Variants in CNIH2 observed in about 807,000 individuals in gnomAD.
The protein encoded by CNIH2 is cornichon family AMPA receptor auxiliary protein 2, also known as protein cornichon homolog 2.
Under a neutral mutation model 22.9 loss-of-function variants are expected in CNIH2, and 8 were observed. The ratio of observed to expected loss-of-function variants is 0.35; its 90% CI spans 0.20 to 0.63. The LOEUF is 0.63. Among genes scored for constraint, CNIH2 ranks in the 30% least tolerant of loss-of-function variants. The pLI is 0.72. For synonymous variants in CNIH2, 74 were observed against 78.2 expected, an observed-to-expected ratio of 0.95 and a Z score of 0.28; for missense variants, 105 against 206.2, an observed-to-expected ratio of 0.51 and a Z score of 3.01.
At chr11:66,280,063 C>T (rs1857237131) in intron 1 of CNIH2, among the ~76,000 whole-genome samples, 1 of 152,182 alleles carries the variant, frequency 6.6e-6, no homozygotes, top group South Asian at 2.1e-4. Context: ...CTTTTTGGGG[C>T]CTTCCCCACC....
At chr11:66,278,921 C>T (rs552915564) in intron 1 of CNIH2, among the ~76,000 whole-genome samples, 2 of 99,922 alleles carry the variant, frequency 2.0e-5, no homozygotes, top group Non-Finnish European at 2.3e-5. Context: ...TGCTGCCCCC[C>T]CCCCCCCGCC....
At chr11:66,282,429 G>GGGGGGGGGGGGGCC in intron 2 of CNIH2, 102 bp downstream of exon 2, 5 of 479,402 alleles carry the variant, frequency 1.0e-5, no homozygotes, top group African/African-American at 2.0e-5. Flanking sequence ...GGGGTGGGGG[G>GGGGGGGGGGGGGCC]CCTACGGCCA....
chr11:66,280,315 C>G (rs1213061532), intron 1 of CNIH2, among the ~76,000 whole-genome samples: 1 of 152,356 alleles, frequency 6.6e-6, no homozygotes, highest in Middle Eastern at 3.4e-3. Flanking sequence ...GTGAGGTACT[C>G]TGTCCACTCA....
rs1465211866 is a variant in CNIH2, at chr11:66,283,030, C to T, written c.199-5C>T. On this transcript the variant is annotated splice_region_variant and splice_polypyrimidine_tract_variant and intron_variant, in intron 3 of 5. Coordinates refer to ENST00000311445, the MANE Select transcript of CNIH2 (RefSeq NM_182553.3). ...GCCGCTGACCTCTCACCCTCACTCC[C>T]CCAGCTGGTGGTCCCAGAATACTCC... 1.2e-6 allele frequency: 2 copies of T among 1,612,400 alleles called. No individual in the cohort carries two copies. The highest frequency in any genetic ancestry group is 2.2e-5 in the East Asian group (1 of 44,884).
intron 1 of CNIH2, among the ~76,000 whole-genome samples, chr11:66,280,315 C>T (rs1213061532): frequency 6.6e-6 from 1 of 152,238 alleles, no homozygotes; most frequent in African/African-American, 2.4e-5. Flanking sequence ...GTGAGGTACT[C>T]TGTCCACTCA....
chr11:66,282,380 CTG>C, intron 2 of CNIH2, 53 bp downstream of exon 2: 3 of 1,048,944 alleles, frequency 2.9e-6, no homozygotes, highest in Non-Finnish European at 4.0e-6. Flanking sequence ...GTCTTTCCAT[CTG>C]TCGTGGGCTG....
intron 1 of CNIH2, among the ~76,000 whole-genome samples, chr11:66,279,277 C>T (rs886303897): frequency 2.0e-4 from 31 of 152,038 alleles, no homozygotes; most frequent in Non-Finnish European, 4.4e-4. Flanking sequence ...AATGTCCATT[C>T]CTCATCCTGC....
In CNIH2 at chr11:66,282,486, G is replaced by T. The variant is rs527616174; in HGVS notation, c.150+159G>T. ...CGCCCCCAGCAAACACCTGGCGCGG[G>T]CTCAGGGCTGAGTTCCTCTTGGCGG... On this transcript the variant is annotated intron_variant, in intron 2 of 5. Coordinates refer to ENST00000311445, the MANE Select transcript of CNIH2 (RefSeq NM_182553.3). 1.5e-5 allele frequency: 15 copies of T among 989,040 alleles called. No individual in the cohort carries two copies. The African/African-American group carries it at 2.1e-4, about 14-fold the overall frequency. 61.3% of individuals were successfully genotyped at this position (989,040 alleles called of 1,614,324 possible).
At chr11:66,281,038 C>T (rs1857251837) in intron 1 of CNIH2, among the ~76,000 whole-genome samples, 1 of 152,204 alleles carries the variant, frequency 6.6e-6, no homozygotes, top group Admixed American at 6.5e-5. Flanking sequence ...CCAGACACCC[C>T]AACACCTGAA....
intron 5 of CNIH2, 56 bp from the exon 6 acceptor site, chr11:66,283,514 G>A: frequency 6.2e-7 from 1 of 1,606,992 alleles, no homozygotes; most frequent in South Asian, 1.1e-5. Flanking sequence ...GACCAGGTGG[G>A]CATCTGGGTG....
At position 66,283,731 on chromosome 11, in the gene CNIH2, A is replaced by C; in HGVS notation, c.*134A>C. ...GTGCCCCCAGCCTCTCCAACCCCCA[A>C]ACTGCTGCTGCGGGGAACCCCCCCC... On this transcript the variant is annotated 3_prime_UTR_variant, in exon 6 of 6. Coordinates refer to ENST00000311445, the MANE Select transcript of CNIH2 (RefSeq NM_182553.3). 26 of 951,792 alleles carry C rather than the reference A, an allele frequency of 2.7e-5. No homozygotes were observed. Among genetic ancestry groups the C allele is most frequent in the Non-Finnish European group, 3.3e-5 (21 of 643,090 alleles). The allele number at this position is 951,792 out of a possible 1,614,324, so 59.0% of individuals were successfully genotyped here.
Position 66,283,863 on chromosome 11 carries a change from A to G in CNIH2, c.*266A>G. On this transcript the variant is annotated 3_prime_UTR_variant, in exon 6 of 6. Coordinates refer to ENST00000311445, the MANE Select transcript of CNIH2 (RefSeq NM_182553.3). ...TGTGGGCATGGCAGTCATTCCTGGA[A>G]GGGGCAGGACCTCCGGCCTTGTCCA... The G allele has an allele frequency of 2.0e-6, 1 of 498,738 alleles. No homozygotes were observed. The highest frequency in any genetic ancestry group is 2.5e-5 in the South Asian group (1 of 40,034). 30.9% of individuals were successfully genotyped at this position (498,738 alleles called of 1,614,324 possible).
At chr11:66,282,940 G>A in intron 3 of CNIH2, 95 bp from the exon 4 acceptor site, 1 of 1,359,554 alleles carries the variant, frequency 7.4e-7, no homozygotes, top group Non-Finnish European at 1.0e-6. Context: ...GGTCACGGTG[G>A]GTGGGCACCT....
rs1857196325 is a variant in CNIH2, at chr11:66,278,433, G to A, written c.-24G>A. On this transcript the variant is annotated 5_prime_UTR_variant, in exon 1 of 6. Coordinates refer to ENST00000311445, the MANE Select transcript of CNIH2 (RefSeq NM_182553.3). ...CCCGGGCCCCGCGCTGGCGCCCCCC[G>A]GGCCGCCGCCCGGCGCGGGGGCCAT... 3 of 1,182,890 alleles carry A rather than the reference G, an allele frequency of 2.5e-6. No homozygotes were observed. The highest frequency in any genetic ancestry group is 3.2e-6 in the Non-Finnish European group (3 of 946,224). The allele number at this position is 1,182,890 out of a possible 1,614,324, so 73.3% of individuals were successfully genotyped here. A position where few individuals can be genotyped will look rare whatever the true frequency, so the allele number is the denominator to read the frequency against.
At chr11:66,280,207 C>A (rs1857238988) in intron 1 of CNIH2, among the ~76,000 whole-genome samples, 1 of 152,210 alleles carries the variant, frequency 6.6e-6, no homozygotes, top group South Asian at 2.1e-4. Context: ...TGAATAAAAC[C>A]CAGACTTTGC....
At chr11:66,283,539 G>C (rs919592566) in intron 5 of CNIH2, 31 bp from the exon 6 acceptor site, 7 of 1,603,008 alleles carry the variant, frequency 4.4e-6, no homozygotes, top group African/African-American at 2.7e-5. Context: ...TGTGTGTGCA[G>C]GGCTAGGCTC....
At chr11:66,282,993 T>C (rs1369643388) in intron 3 of CNIH2, 42 bp from the exon 4 acceptor site, 1 of 1,552,928 alleles carries the variant, frequency 6.4e-7, no homozygotes, top group Non-Finnish European at 8.9e-7. Flanking sequence ...GGCTGGTCTG[T>C]CATAGCACCA....
chr11:66,278,431 C>G lies in CNIH2; in HGVS notation c.-26C>G, dbSNP rs1034318275. On this transcript the variant is annotated 5_prime_UTR_variant, in exon 1 of 6. Coordinates refer to ENST00000311445, the MANE Select transcript of CNIH2 (RefSeq NM_182553.3). ...CGCCCGGGCCCCGCGCTGGCGCCCC[C>G]CGGGCCGCCGCCCGGCGCGGGGGCC... is the stretch of plus-strand genomic sequence containing the variant. 1.6e-5 allele frequency: 19 copies of G among 1,170,718 alleles called. No individual in the cohort carries two copies. In the Admixed American group the frequency reaches 2.2e-4, roughly 14 times the overall value. The allele number at this position is 1,170,718 out of a possible 1,614,324, so 72.5% of individuals were successfully genotyped here. A position where few individuals can be genotyped will look rare whatever the true frequency, so the allele number is the denominator to read the frequency against.
chr11:66,281,502 A>G (rs1484848515), intron 1 of CNIH2: 2 of 456,226 alleles, frequency 4.4e-6, no homozygotes, highest in Non-Finnish European at 8.8e-6. Flanking sequence ...ACCAATCCTA[A>G]GACATGGACC....
Sources: allele counts gnomAD v4.1 joint callset (sites outside exome capture counted in the v4.1 genomes callset), GRCh38; gene constraint gnomAD v4.1.1; transcripts MANE v1.5; gene names NCBI Gene and HGNC (gene_info 2026-07-23, HGNC 2026-07-21).